Variants in CCDC138 observed in about 807,000 individuals in gnomAD.
CCDC138 encodes coiled-coil domain-containing protein 138.
CCDC138 carries 66 observed loss-of-function variants against 82.3 expected under a neutral mutation model. The ratio of observed to expected loss-of-function variants is 0.80; its 90% CI spans 0.66 to 0.98. The LOEUF is 0.98. Among genes scored for constraint, CCDC138 ranks in the 50% least tolerant of loss-of-function variants. The probability of loss-of-function intolerance (pLI) is 0.00; values close to 1 mark genes in which losing one functional copy is unlikely to be tolerated. For synonymous variants in CCDC138, 297 were observed against 265.4 expected, an observed-to-expected ratio of 1.12 and a Z score of -1.16; for missense variants, 816 against 758.9, an observed-to-expected ratio of 1.08 and a Z score of -0.88.
At chr2:108,882,673 C>T (rs1696325483) in exon 2 of CCDC138, 1 of 152,286 alleles carries the variant, frequency 6.6e-6, no homozygotes, top group Admixed American at 6.5e-5. Context: ...CTTTTCAGGT[C>T]ATCCTCCATG....
At chr2:108,853,567 C>G (rs894678578) in intron 12 of CCDC138, among the ~76,000 whole-genome samples, 2 of 149,550 alleles carry the variant, frequency 1.3e-5, no homozygotes, top group Non-Finnish European at 3.0e-5. Flanking sequence ...CACGCTATCA[C>G]TCAGGCTGGA....
chr2:108,809,023 A>G (rs540766283), intron 7 of CCDC138, among the ~76,000 whole-genome samples: 2 of 152,222 alleles, frequency 1.3e-5, no homozygotes, highest in East Asian at 1.9e-4. Context: ...GTCTAGTTTT[A>G]TTCTTAGGCA....
chr2:108,837,358 C>T (rs994161449), intron 10 of CCDC138, among the ~76,000 whole-genome samples: 8 of 152,058 alleles, frequency 5.3e-5, no homozygotes, highest in Non-Finnish European at 5.9e-5. Context: ...AATGTTGAAC[C>T]GTCCTTGCAT....
At chr2:108,797,989 A>G (rs1203796428) in intron 5 of CCDC138, among the ~76,000 whole-genome samples, 12 of 147,456 alleles carry the variant, frequency 8.1e-5, no homozygotes, top group Admixed American at 6.8e-4. Context: ...CTCCAGTGGT[A>G]CTTAGCTGAG....
At chr2:108,851,289 T>G (rs1328272475) in intron 12 of CCDC138, among the ~76,000 whole-genome samples, 1 of 152,002 alleles carries the variant, frequency 6.6e-6, no homozygotes, top group Non-Finnish European at 1.5e-5. Context: ...CTGGGGTGTT[T>G]TGTTTTTTGT....
Position 108,828,760 on chromosome 2 carries a change from C to G in CCDC138, c.1207-10425C>G, listed in dbSNP as rs139433244. On this transcript the variant is annotated intron_variant, in intron 10 of 14. Coordinates refer to ENST00000295124, the MANE Select transcript of CCDC138 (RefSeq NM_144978.3). ...TTGGGAGGCTGAGGTGGACAGATCACCAGGTCAGGAGTTCGAGACCAGCCT... is the reference window on the plus strand; with the variant it reads ...TTGGGAGGCTGAGGTGGACAGATCAGCAGGTCAGGAGTTCGAGACCAGCCT... Among the ~76,000 whole-genome samples, 690 of 152,152 alleles carry G rather than the reference C, an allele frequency of 4.5e-3. 4 individuals are homozygous for G. Among genetic ancestry groups the G allele is most frequent in the African/African-American group, 0.016 (660 of 41,480 alleles).
At chr2:108,820,731 T>C (rs1685558881) in intron 10 of CCDC138, among the ~76,000 whole-genome samples, 1 of 114,338 alleles carries the variant, frequency 8.7e-6, no homozygotes, top group African/African-American at 3.4e-5. Flanking sequence ...AACAAAACTG[T>C]TAACCAAGAG....
At chr2:108,851,048 T>C (rs1028563324) in intron 12 of CCDC138, among the ~76,000 whole-genome samples, 1 of 152,162 alleles carries the variant, frequency 6.6e-6, no homozygotes, top group Non-Finnish European at 1.5e-5. Flanking sequence ...TGGCTTCAAA[T>C]TGGGGTTCCT....
At chr2:108,813,026 G>C (rs1465368665) in intron 9 of CCDC138, 99 bp downstream of exon 9, 1 of 881,722 alleles carries the variant, frequency 1.1e-6, no homozygotes, top group Non-Finnish European at 1.8e-6. Context: ...GAGATGGGCG[G>C]ATCACGATGT....
At chr2:108,857,911 G>A (rs536513091) in intron 13 of CCDC138, among the ~76,000 whole-genome samples, 2 of 152,282 alleles carry the variant, frequency 1.3e-5, no homozygotes, top group South Asian at 4.1e-4. Flanking sequence ...CGTTGTCAAA[G>A]GAAAACAAAA....
In CCDC138 at chr2:108,815,975, C is replaced by T. The variant is rs1426335286; in HGVS notation, c.1076C>T (p.Thr359Ile). Residue 359 changes from threonine to isoleucine, a missense_variant, in exon 10 of 15, where the codon ACT becomes ATT. Transcript: ENST00000295124. ...PLNGQVYELL[T>I]VFMDWISDHH... is the part of the protein sequence containing the mutation. ...AATGGGCAAGTTTATGAACTTTTAA[C>T]TGTCTTCATGGACTGGATTTCGGAT... 6.2e-7 allele frequency: 1 copy of T among 1,612,704 alleles called. No homozygotes were observed. The highest frequency in any genetic ancestry group is 2.2e-5 in the East Asian group (1 of 44,832).
intron 14 of CCDC138, 69 bp downstream of exon 14, chr2:108,873,658 T>TGG (rs1695608879): frequency 8.8e-7 from 1 of 1,141,882 alleles, no homozygotes; most frequent in Non-Finnish European, 1.2e-6. Context: ...AACCAGGGGT[T>TGG]TTAATCTTTT....
intron 11 of CCDC138, among the ~76,000 whole-genome samples, chr2:108,846,064 CAG>C (rs1187430390): frequency 2.6e-5 from 4 of 151,904 alleles, no homozygotes; most frequent in Non-Finnish European, 5.9e-5. Flanking sequence ...CTTTTTAAAT[CAG>C]AGTTAGCTGA....
At chr2:108,849,286 A>G (rs1477267601) in intron 12 of CCDC138, among the ~76,000 whole-genome samples, 1 of 152,212 alleles carries the variant, frequency 6.6e-6, no homozygotes, top group Admixed American at 6.5e-5. Context: ...GGAGACAAAA[A>G]CTATTTCAAG....
At position 108,813,216 on chromosome 2, in the gene CCDC138, T is replaced by C. The variant is rs534324112; in HGVS notation, c.1041+289T>C. 1.1e-4 allele frequency among the ~76,000 whole-genome samples: 13 copies of C among 113,360 alleles called. No homozygotes were observed. The South Asian group carries it at 3.9e-3, about 34-fold the overall frequency. 74.4% of individuals were successfully genotyped at this position (113,360 alleles called of 152,430 possible). A position where few individuals can be genotyped will look rare whatever the true frequency, so the allele number is the denominator to read the frequency against. On this transcript the variant is annotated intron_variant, in intron 9 of 14. Coordinates refer to ENST00000295124, the MANE Select transcript of CCDC138 (RefSeq NM_144978.3). ...GTGAGCCGAGATTGCACCACTGCACTCCAGCCTGGGCGACAGAGTGAGACT... is the reference window on the plus strand; with the variant it reads ...GTGAGCCGAGATTGCACCACTGCACCCCAGCCTGGGCGACAGAGTGAGACT...
At chr2:108,854,682 C>A (rs13406863) in intron 12 of CCDC138, among the ~76,000 whole-genome samples, 56 of 152,150 alleles carry the variant, frequency 3.7e-4, no homozygotes, top group Middle Eastern at 3.4e-3. Context: ...TTGGGCTCAG[C>A]TCATCTGGAT....
At chr2:108,852,954 G>A (rs1392788947) in intron 12 of CCDC138, among the ~76,000 whole-genome samples, 1 of 152,070 alleles carries the variant, frequency 6.6e-6, no homozygotes, top group East Asian at 1.9e-4. Context: ...GTGTCACTGA[G>A]AGGATATAGG....
chr2:108,844,706 G>GT (rs1325187098), intron 11 of CCDC138, among the ~76,000 whole-genome samples: 6 of 150,282 alleles, frequency 4.0e-5, no homozygotes, highest in African/African-American at 9.8e-5. Flanking sequence ...TATTTTTGGA[G>GT]TTTTTTCTCT....
chr2:108,882,004 A>G (rs919737087), intron 1 of CCDC138, among the ~76,000 whole-genome samples: 1 of 151,942 alleles, frequency 6.6e-6, no homozygotes, highest in Non-Finnish European at 1.5e-5. Flanking sequence ...ACAGAAATAA[A>G]CCAGCCAGTC....
Sources: gnomAD v4.1 joint callset for allele counts (sites outside exome capture counted in the v4.1 genomes callset) on GRCh38, gnomAD v4.1.1 for gene constraint, MANE v1.5 for transcripts, NCBI Gene and HGNC (gene_info 2026-07-23, HGNC 2026-07-21) for gene names.